The following ZNF385D variants were observed in gnomAD, a reference collection of about 807,000 sequenced individuals.
ZNF385D encodes zinc finger protein 659.
In ZNF385D, 15 loss-of-function variants were observed where a neutral mutation model predicts 35.8. That is an observed-to-expected ratio of 0.42 (90% CI 0.28 to 0.64). ZNF385D has a LOEUF of 0.64. Ranked by LOEUF, ZNF385D falls within the 30% of genes least tolerant of loss-of-function variation. The pLI is 0.23. For synonymous variants in ZNF385D, 212 were observed against 186.8 expected, an observed-to-expected ratio of 1.13 and a Z score of -1.10; for missense variants, 474 against 494.6, an observed-to-expected ratio of 0.96 and a Z score of 0.39.
At chr3:22,072,507 T>G (rs1700276336) in intron 3 of ZNF385D, among the ~76,000 whole-genome samples, 2 of 152,062 alleles carry the variant, frequency 1.3e-5, no homozygotes, top group Non-Finnish European at 2.9e-5. Context: ...CTGAAAGAAG[T>G]ATTATACTTA....
At chr3:21,968,885 G>C (rs1703070741) in intron 3 of ZNF385D, among the ~76,000 whole-genome samples, 1 of 152,166 alleles carries the variant, frequency 6.6e-6, no homozygotes, top group Admixed American at 6.5e-5. Context: ...GATACCAGCT[G>C]GGCCACAGTG....
At chr3:22,142,024 G>T (rs954633740) in intron 3 of ZNF385D, among the ~76,000 whole-genome samples, 1 of 152,164 alleles carries the variant, frequency 6.6e-6, no homozygotes, top group Non-Finnish European at 1.5e-5. Context: ...CAGTTAGAAA[G>T]CATCATCAGG....
chr3:21,463,961 G>A (rs572125757), intron 4 of ZNF385D, among the ~76,000 whole-genome samples: 106 of 151,932 alleles, frequency 7.0e-4, no homozygotes, highest in African/African-American at 2.6e-3. Flanking sequence ...ATAGGAGGCT[G>A]TATCACACAT....
At chr3:21,918,729 A>G (rs998875331) in intron 3 of ZNF385D, among the ~76,000 whole-genome samples, 3 of 152,176 alleles carry the variant, frequency 2.0e-5, no homozygotes, top group African/African-American at 7.2e-5. Flanking sequence ...TAATTCTATA[A>G]CATGGTGTTT....
intron 3 of ZNF385D, among the ~76,000 whole-genome samples, chr3:22,161,678 G>A (rs1215788267): frequency 6.6e-6 from 1 of 152,116 alleles, no homozygotes; most frequent in East Asian, 1.9e-4. Context: ...AGAATATATA[G>A]TGATAAATTA....
intron 3 of ZNF385D, among the ~76,000 whole-genome samples, chr3:22,073,253 C>T (rs1017754700): frequency 6.6e-6 from 1 of 151,288 alleles, no homozygotes; most frequent in African/African-American, 2.4e-5. Flanking sequence ...ATAAGATTTC[C>T]CTTTTGGATT....
At chr3:22,124,682 T>C (rs1703324209) in intron 3 of ZNF385D, among the ~76,000 whole-genome samples, 1 of 152,202 alleles carries the variant, frequency 6.6e-6, no homozygotes, top group South Asian at 2.1e-4. Flanking sequence ...ATGCTGATCA[T>C]ATTTTCATAT....
chr3:22,106,958 C>G (rs1271925735), intron 3 of ZNF385D, among the ~76,000 whole-genome samples: 1 of 151,342 alleles, frequency 6.6e-6, no homozygotes, highest in Non-Finnish European at 1.5e-5. Context: ...ATCTCTCTGA[C>G]ATGAGCTCCT....
chr3:21,590,087 T>A (rs2125729175), intron 2 of ZNF385D, among the ~76,000 whole-genome samples: 1 of 152,284 alleles, frequency 6.6e-6, no homozygotes, highest in East Asian at 1.9e-4. Flanking sequence ...AGCAAAAGCA[T>A]GGATCCAGAT....
At chr3:21,987,673 C>G (rs1340416067) in intron 3 of ZNF385D, among the ~76,000 whole-genome samples, 2 of 144,028 alleles carry the variant, frequency 1.4e-5, no homozygotes, top group Middle Eastern at 3.4e-3. Flanking sequence ...CGAGGAGTAT[C>G]TTTGTGGTGT....
chr3:21,445,948 T>C (rs1257042298), intron 4 of ZNF385D, among the ~76,000 whole-genome samples: 1 of 152,188 alleles, frequency 6.6e-6, no homozygotes. Context: ...AACATCCCCC[T>C]ATCATGGGGC....
At chr3:21,862,463 C>A (rs577441503) in intron 3 of ZNF385D, among the ~76,000 whole-genome samples, 24 of 152,116 alleles carry the variant, frequency 1.6e-4, no homozygotes, top group Non-Finnish European at 2.4e-4. Context: ...AGAAATAGGA[C>A]AAAATGTCTT....
At position 21,997,043 on chromosome 3, in the gene ZNF385D, C is replaced by G. The variant is rs534835563; in HGVS notation, c.325+171774G>C. 4.1e-4 allele frequency among the ~76,000 whole-genome samples: 61 copies of G among 148,444 alleles called. No individual in the cohort carries two copies. The South Asian group carries it at 0.013, about 30-fold the overall frequency. On this transcript the variant is annotated intron_variant, in intron 3 of 5. Transcript: ENST00000494108. ...TTTCTTAATGAAACCATCAAAGGAA[C>G]AGTTTTAAAAAAAAACTGTGATTTT...
At chr3:22,314,277 C>T (rs540349315) in intron 2 of ZNF385D, among the ~76,000 whole-genome samples, 1 of 152,178 alleles carries the variant, frequency 6.6e-6, no homozygotes, top group Non-Finnish European at 1.5e-5. Flanking sequence ...CCCCTTCCTA[C>T]CCTTTCCCCA....
At chr3:21,774,356 G>A (rs2071201260) in intron 3 of ZNF385D, among the ~76,000 whole-genome samples, 1 of 151,786 alleles carries the variant, frequency 6.6e-6, no homozygotes, top group African/African-American at 2.4e-5. Flanking sequence ...GATGATCTGT[G>A]CAGCAAACCA....
intron 1 of ZNF385D, among the ~76,000 whole-genome samples, chr3:21,713,368 G>A (rs1389113448): frequency 1.3e-5 from 2 of 152,150 alleles, no homozygotes; most frequent in Non-Finnish European, 2.9e-5. Flanking sequence ...CCATCTTGGT[G>A]CTGAGGGCAC....
At chr3:21,793,619 C>T (rs576869260) in intron 3 of ZNF385D, among the ~76,000 whole-genome samples, 41 of 152,332 alleles carry the variant, frequency 2.7e-4, no homozygotes, top group African/African-American at 9.6e-4. Context: ...CTGAGGCCTG[C>T]AGAGCCTACA....
chr3:21,763,012 G>A (rs992328435), intron 3 of ZNF385D, among the ~76,000 whole-genome samples: 2 of 152,240 alleles, frequency 1.3e-5, no homozygotes, highest in South Asian at 4.1e-4. Context: ...CTGTCATTGA[G>A]TAGGTACTCA....
intron 3 of ZNF385D, among the ~76,000 whole-genome samples, chr3:22,142,067 G>A (rs1337217185): frequency 6.6e-6 from 1 of 152,142 alleles, no homozygotes; most frequent in Non-Finnish European, 1.5e-5. Context: ...TGAAACATGA[G>A]AAGAAGACTG....
Sources: allele counts gnomAD v4.1 joint callset (sites outside exome capture counted in the v4.1 genomes callset), GRCh38; gene constraint gnomAD v4.1.1; transcripts MANE v1.5; gene names NCBI Gene and HGNC (gene_info 2026-07-23, HGNC 2026-07-21).